SOS2: variants seen among roughly 807,000 people sequenced by gnomAD.
The protein encoded by SOS2 is son of sevenless homolog 2.
Under a neutral mutation model 148.2 loss-of-function variants are expected in SOS2, and 65 were observed. The ratio of observed to expected loss-of-function variants is 0.44; its 90% CI spans 0.36 to 0.54. The LOEUF (loss-of-function observed/expected upper bound fraction) is 0.54. SOS2 is among the 20% of genes least tolerant of loss of function. The pLI is 0.00. For synonymous variants in SOS2, 539 were observed against 537.1 expected, an observed-to-expected ratio of 1.00 and a Z score of -0.05; for missense variants, 1,341 against 1,590.2, an observed-to-expected ratio of 0.84 and a Z score of 2.67.
chr14:50,202,609 C>T (rs1886529577), intron 2 of SOS2, among the ~76,000 whole-genome samples: 1 of 152,128 alleles, frequency 6.6e-6, no homozygotes, highest in Non-Finnish European at 1.5e-5. Context: ...GTTGCATGCA[C>T]TTGTAGTCCC....
chr14:50,157,015 G>T lies in SOS2; in HGVS notation c.2041C>A (p.Gln681Lys). The change falls in exon 12 of 23, where the codon CAA becomes AAA. Residue 681 changes from glutamine (Q) to lysine (K), a missense_variant. Physicochemically the swap from Gln to Lys is moderately conservative, Grantham distance 53. Coordinates refer to ENST00000216373, the MANE Select transcript of SOS2 (RefSeq NM_006939.4). ...AAGCCAAACCTAAGTTGTACTGGTT[G>T]GACATATTCCTTGCGAAATCTTTTA... The part of the protein sequence containing the change: ...DLKRFRKEYV[Q>K]PVQLRILNVF... The T allele has an allele frequency of 6.3e-7, 1 of 1,599,534 alleles. No individual in the cohort carries two copies. Among genetic ancestry groups the T allele is most frequent in the East Asian group, 2.2e-5 (1 of 44,496 alleles).
At chr14:50,215,382 G>T in intron 1 of SOS2, 1 of 1,280,160 alleles carries the variant, frequency 7.8e-7, no homozygotes, top group African/African-American at 1.5e-5. Context: ...ACCCATAAAT[G>T]CTGTAACAGG....
intron 5 of SOS2, among the ~76,000 whole-genome samples, chr14:50,188,248 T>TA (rs1258493678): frequency 1.3e-5 from 2 of 151,824 alleles, no homozygotes; most frequent in African/African-American, 4.8e-5. Flanking sequence ...ACTAAAAATA[T>TA]AAAAAAATTA....
At chr14:50,155,606 C>T (rs1884786623) in intron 12 of SOS2, among the ~76,000 whole-genome samples, 1 of 152,126 alleles carries the variant, frequency 6.6e-6, no homozygotes, top group Non-Finnish European at 1.5e-5. Context: ...CACTTAAGCA[C>T]TCCAAGTAGA....
At position 50,118,837 on chromosome 14, in the gene SOS2, T is replaced by C. The variant is rs767512189; in HGVS notation, c.3506A>G (p.Asp1169Gly). ...CGGTGGAATAGCAGGAGGATCATCA[T>C]CAGATTTCATATTTCCCTCAAAAAA... The part of the protein sequence containing the change: ...ASNSKGNMKS[D>G]DDPPAIPPRQ... Residue 1169 changes from aspartate to glycine, a missense_variant, in exon 23 of 23, where the codon GAT becomes GGT. Asp to Gly is a moderately conservative substitution (Grantham distance 94). This residue lies in a region of SOS2 where 354 missense variants were observed against 347.7 expected (regional missense o/e 1.02). Transcript: ENST00000216373. 3.5e-6 allele frequency: 5 copies of C among 1,426,028 alleles called. No individual in the cohort carries two copies. The highest frequency in any genetic ancestry group is 4.9e-5 in the East Asian group (2 of 41,012). 88.3% of individuals were successfully genotyped at this position (1,426,028 alleles called of 1,614,324 possible).
chr14:50,224,310 TATATACACAC>T lies in SOS2; in HGVS notation c.87+6877_87+6886del, dbSNP rs1426878542. 1.9e-4 allele frequency among the ~76,000 whole-genome samples: 12 copies of T among 61,988 alleles called. 1 individual carries two copies. Among genetic ancestry groups the T allele is most frequent in the Admixed American group, 1.0e-3 (4 of 3,976 alleles). The allele number at this position is 61,988 out of a possible 152,430, so 40.7% of individuals were successfully genotyped here. A position where few individuals can be genotyped will look rare whatever the true frequency, so the allele number is the denominator to read the frequency against. On this transcript the variant is annotated intron_variant, in intron 1 of 22. Transcript: ENST00000216373. ...CGTCTCAGGAAAAAAAAAAAATATATATATACACACACACACACACACACACACACACACA... is the reference window on the plus strand; with the variant it reads ...CGTCTCAGGAAAAAAAAAAAATATATACACACACACACACACACACACACA...
At chr14:50,212,597 T>A (rs565189287) in intron 1 of SOS2, among the ~76,000 whole-genome samples, 1 of 152,250 alleles carries the variant, frequency 6.6e-6, no homozygotes, top group Non-Finnish European at 1.5e-5. Context: ...TTCCTTAAAC[T>A]GTATATTTAT....
intron 16 of SOS2, among the ~76,000 whole-genome samples, chr14:50,140,312 G>A (rs1350356100): frequency 3.9e-5 from 6 of 152,114 alleles, no homozygotes; most frequent in African/African-American, 7.2e-5. Flanking sequence ...CATGCCTTGT[G>A]CGTTATTTTG....
intron 8 of SOS2, among the ~76,000 whole-genome samples, chr14:50,165,444 G>C (rs1022985115): frequency 6.6e-6 from 1 of 151,972 alleles, no homozygotes; most frequent in South Asian, 2.1e-4. Flanking sequence ...TCAGTAGGAC[G>C]AATACCCAAA....
intron 7 of SOS2, among the ~76,000 whole-genome samples, chr14:50,178,671 CATATATATATATAT>C (rs1170021476): frequency 6.9e-5 from 1 of 14,454 alleles, no homozygotes; most frequent in Non-Finnish European, 1.3e-4. Flanking sequence ...TGTGTGTGTG[CATATATATATATAT>C]ATATATATAT....
intron 8 of SOS2, among the ~76,000 whole-genome samples, chr14:50,168,668 T>A (rs1322045466): frequency 1.3e-5 from 2 of 152,216 alleles, no homozygotes; most frequent in East Asian, 1.9e-4. Context: ...TCCCATTCTA[T>A]AGAATGCCGT....
chr14:50,217,812 T>C (rs1052602445), intron 1 of SOS2, among the ~76,000 whole-genome samples: 7 of 151,708 alleles, frequency 4.6e-5, no homozygotes, highest in Admixed American at 1.3e-4. Flanking sequence ...AAAAATTAGC[T>C]GGGCGTGGTG....
intron 22 of SOS2, 117 bp from the exon 23 acceptor site, chr14:50,118,970 T>G: frequency 1.7e-6 from 1 of 576,350 alleles, no homozygotes; most frequent in Non-Finnish European, 2.8e-6. Flanking sequence ...AATAAACTAA[T>G]CTGGGTTAAT....
At chr14:50,128,350 A>T (rs1883750192) in intron 21 of SOS2, among the ~76,000 whole-genome samples, 1 of 152,182 alleles carries the variant, frequency 6.6e-6, no homozygotes, top group Admixed American at 6.5e-5. Context: ...AAACCCTGCT[A>T]GGTTCCCTGA....
In SOS2 at chr14:50,161,546, G is replaced by C. The variant is rs1285007625; in HGVS notation, c.1132C>G (p.Leu378Val). ...RECLNQAITA[L>V]MNLQGSMDRI... ...TCCATGCTACCTTGGAGATTCATGA[G>C]AGCAGTAATAGCTTGGTTCAAACAT... Residue 378 changes from leucine (L) to valine (V), a missense_variant, in exon 9 of 23, where the codon CTC becomes GTC. This residue lies in a region of SOS2 where 574 missense variants were observed against 711.1 expected (regional missense o/e 0.81). Coordinates refer to ENST00000216373, the MANE Select transcript of SOS2 (RefSeq NM_006939.4). 1 of 1,611,610 alleles carries C rather than the reference G, an allele frequency of 6.2e-7. No individual in the cohort carries two copies. The highest frequency in any genetic ancestry group is 8.5e-7 in the Non-Finnish European group (1 of 1,177,848).
At chr14:50,170,015 T>G (rs1174975269) in intron 8 of SOS2, among the ~76,000 whole-genome samples, 1 of 151,864 alleles carries the variant, frequency 6.6e-6, no homozygotes, top group Non-Finnish European at 1.5e-5. Context: ...AGCCTTGACC[T>G]CCTGGACTCA....
intron 1 of SOS2, among the ~76,000 whole-genome samples, chr14:50,210,337 C>T (rs2139817069): frequency 6.6e-6 from 1 of 152,232 alleles, no homozygotes; most frequent in Admixed American, 6.5e-5. Context: ...AGTGTTGAAC[C>T]ACTGCAGAAA....
At chr14:50,144,408 A>G (rs1884394123) in intron 16 of SOS2, among the ~76,000 whole-genome samples, 2 of 152,082 alleles carry the variant, frequency 1.3e-5, no homozygotes, top group South Asian at 4.1e-4. Context: ...AGTACATGTT[A>G]AACACATATT....
intron 8 of SOS2, among the ~76,000 whole-genome samples, chr14:50,166,348 A>C (rs981256526): frequency 5.9e-5 from 9 of 151,908 alleles, no homozygotes; most frequent in African/African-American, 2.2e-4. Context: ...TTAACCCCCC[A>C]ACCCCTGAGT....
Sources: gnomAD v4.1 joint callset for allele counts (sites outside exome capture counted in the v4.1 genomes callset) on GRCh38, gnomAD v4.1.1 for gene constraint, gnomAD v4.1.1 regional missense constraint, MANE v1.5 for transcripts, NCBI Gene and HGNC (gene_info 2026-07-23, HGNC 2026-07-21) for gene names.